USP24: variants seen among roughly 807,000 people sequenced by gnomAD.
USP24 encodes the protein ubiquitin carboxyl-terminal hydrolase 24.
In USP24, 97 loss-of-function variants were observed where a neutral mutation model predicts 361.6. The observed-to-expected ratio is 0.27, with a 90% confidence interval of 0.23 to 0.32. The LOEUF is 0.32. Ranked by LOEUF, USP24 falls within the 10% of genes least tolerant of loss-of-function variation. USP24 has a pLI of 1.00. For synonymous variants in USP24, 1,098 were observed against 1,124.6 expected (o/e 0.98, Z 0.47); for missense variants, 2,353 against 3,165.6 (o/e 0.74, Z 6.16).
chr1:55,133,211 T>G lies in USP24; in HGVS notation c.3382-511A>C, dbSNP rs146022578. Among the ~76,000 whole-genome samples the G allele has an allele frequency of 2.5e-3, 384 of 152,336 alleles. 3 individuals carry two copies. Among genetic ancestry groups the G allele is most frequent in the South Asian group, 0.018 (88 of 4,830 alleles). On this transcript the variant is annotated intron_variant, in intron 30 of 67. Transcript: ENST00000294383. ...TTCTAACAACTTTTTCTACATCAAT[T>G]TATTCTGAGAACATAATTAAACAAT...
At chr1:55,196,673 T>C (rs1644427526) in intron 1 of USP24, among the ~76,000 whole-genome samples, 1 of 152,242 alleles carries the variant, frequency 6.6e-6, no homozygotes, top group Admixed American at 6.5e-5. Context: ...CTAGGGTGTT[T>C]AATAGGCATC....
chr1:55,209,290 C>G (rs1644793678), intron 1 of USP24, among the ~76,000 whole-genome samples: 1 of 151,838 alleles, frequency 6.6e-6, no homozygotes. Context: ...AAAGGAAAAC[C>G]TTTCTAAAAT....
In USP24 at chr1:55,098,046, C is replaced by T; in HGVS notation, c.5492G>A (p.Gly1831Glu). ...TTCCAAACTCTGACAAGAAGTCACT[C>T]CTAGATTGAGAGCCATGAAAGCTTC... ...REEAFMALNL[G>E]VTSCQSLEIS... Residue 1831 changes from glycine (G) to glutamate (E), a missense_variant, in exon 47 of 68, where the codon GGA becomes GAA. Around this residue, in one of 8 missense-constraint regions of USP24, gnomAD observed 105 missense variants for 200.3 expected, o/e 0.52. Transcript: ENST00000294383. 6.2e-7 allele frequency: 1 copy of T among 1,612,032 alleles called. No individual in the cohort carries two copies. Among genetic ancestry groups the T allele is most frequent in the Non-Finnish European group, 8.5e-7 (1 of 1,179,354 alleles).
At chr1:55,100,747 AG>A (rs1570401965) in intron 44 of USP24, 91 bp downstream of exon 44, 5 of 1,319,894 alleles carry the variant, frequency 3.8e-6, no homozygotes, top group Non-Finnish European at 5.0e-6. Flanking sequence ...ATTAGTCTAA[AG>A]TTAATAAAAA....
intron 1 of USP24, among the ~76,000 whole-genome samples, chr1:55,202,333 A>T (rs1444166308): frequency 6.6e-6 from 1 of 152,182 alleles, no homozygotes; most frequent in Non-Finnish European, 1.5e-5. Context: ...GAAACTAAAC[A>T]ATACACATCT....
intron 6 of USP24, 57 bp downstream of exon 6, chr1:55,166,511 C>T (rs555868698): frequency 1.7e-4 from 252 of 1,469,534 alleles, no homozygotes; most frequent in Non-Finnish European, 1.8e-4. Context: ...AACTCTAGGA[C>T]GTCTCATTAG....
intron 32 of USP24, among the ~76,000 whole-genome samples, chr1:55,127,074 T>A (rs899795083): frequency 5.3e-5 from 8 of 151,376 alleles, no homozygotes; most frequent in Admixed American, 2.0e-4. Context: ...GTTTTTTTTC[T>A]AAATTATTAT....
intron 20 of USP24, 139 bp from the exon 21 acceptor site, chr1:55,144,342 A>G (rs1280443373): frequency 4.1e-6 from 2 of 483,900 alleles, no homozygotes; most frequent in Non-Finnish European, 7.2e-6. Flanking sequence ...AAGCAGAAGC[A>G]ACAAAAGAAA....
In USP24 at chr1:55,172,439, G is replaced by A; in HGVS notation, c.640C>T (p.Leu214=). The A allele has an allele frequency of 6.2e-7, 1 of 1,613,506 alleles. No homozygotes were observed. The highest frequency in any genetic ancestry group is 8.5e-7 in the Non-Finnish European group (1 of 1,179,642). ...IYNMLMLLIE[L]VAERIKQDPI... is the part of the protein sequence containing the mutation. ...TCTTGTTTTATTCTCTCTGCGACCA[G>A]TTCTATTAATAGCATCAACATGTTG... Residue 214 remains leucine, a synonymous_variant, in exon 4 of 68, where the codon CTG becomes TTG. Coordinates refer to ENST00000294383, the MANE Select transcript of USP24 (RefSeq NM_015306.3).
chr1:55,176,546 C>G, intron 2 of USP24, 103 bp from the exon 3 acceptor site: 1 of 1,070,260 alleles, frequency 9.3e-7, no homozygotes, highest in African/African-American at 1.6e-5. Context: ...TTTGGTAGTT[C>G]GTAAAAATCA....
intron 19 of USP24, among the ~76,000 whole-genome samples, 172 bp from the exon 20 acceptor site, chr1:55,146,281 A>C (rs1328347286): frequency 6.6e-6 from 1 of 152,206 alleles, no homozygotes; most frequent in Non-Finnish European, 1.5e-5. Flanking sequence ...AGTTACTAGC[A>C]ATCTTTCTTC....
chr1:55,156,830 C>A, intron 12 of USP24, 118 bp downstream of exon 12: 1 of 686,742 alleles, frequency 1.5e-6, no homozygotes, highest in Middle Eastern at 2.5e-4. Context: ...GGGTTAGGTA[C>A]AGCTGCTCTG....
At chr1:55,128,712 C>CTTTTTTTTTTTTTTTTT (rs1557604215) in intron 32 of USP24, among the ~76,000 whole-genome samples, 1 of 141,522 alleles carries the variant, frequency 7.1e-6, no homozygotes, top group Non-Finnish European at 1.6e-5. Flanking sequence ...TGCTTTAATA[C>CTTTTTTTTTTTTTTTTT]CTTTTTTTTT....
chr1:55,114,339 C>T (rs766368071), intron 38 of USP24, among the ~76,000 whole-genome samples: 19 of 152,076 alleles, frequency 1.2e-4, no homozygotes, highest in Admixed American at 2.0e-4. Context: ...ATAGATTCAA[C>T]GCTATCCCCA....
Position 55,139,010 on chromosome 1 carries a change from T to G in USP24, c.2751A>C (p.Arg917Ser), listed in dbSNP as rs778657545. ...TCTCAATTATTACAAGTTTAGTAGA[T>G]CTATAGATTAAAAAAAAAAAGTATT... is the stretch of plus-strand genomic sequence containing the variant. ...TVATSVQSPY[R>S]STKLVIIERL... Residue 917 changes from arginine to serine, a missense_variant and splice_region_variant, in exon 25 of 68, where the codon AGA (arginine) becomes AGC (serine). Arg to Ser is a moderately radical substitution (Grantham distance 110, BLOSUM62 -1). Coordinates refer to ENST00000294383, the MANE Select transcript of USP24 (RefSeq NM_015306.3). 2 of 1,604,828 alleles carry G rather than the reference T, an allele frequency of 1.2e-6. No individual in the cohort carries two copies. The highest frequency in any genetic ancestry group is 8.5e-7 in the Non-Finnish European group (1 of 1,175,182).
Position 55,100,977 on chromosome 1 carries a change from G to A in USP24, c.5146-13C>T, listed in dbSNP as rs201130778. 3,520 of 1,606,242 alleles carry A rather than the reference G, an allele frequency of 2.2e-3. 7 individuals are homozygous for A. The highest frequency in any genetic ancestry group is 2.6e-3 in the Non-Finnish European group (3,056 of 1,177,774). On this transcript the variant is annotated splice_polypyrimidine_tract_variant and intron_variant, in intron 43 of 67. Coordinates refer to ENST00000294383, the MANE Select transcript of USP24 (RefSeq NM_015306.3). ...CTGAAAGTAATGACTGCACAGAAAA[G>A]AAACATATCAAGCTTGAAATATTTA... is the stretch of plus-strand genomic sequence containing the variant.
At chr1:55,159,804 A>T (rs189496659) in intron 8 of USP24, 119 bp from the exon 9 acceptor site, 1 of 887,980 alleles carries the variant, frequency 1.1e-6, no homozygotes, top group Non-Finnish European at 1.7e-6. Flanking sequence ...AAAAATTTTC[A>T]TATCAGAGCA....
chr1:55,154,580 T>G, intron 13 of USP24, 91 bp downstream of exon 13: 1 of 1,448,616 alleles, frequency 6.9e-7, no homozygotes, highest in Non-Finnish European at 9.5e-7. Context: ...ATTTAAATAC[T>G]GCTAACTGGT....
chr1:55,086,420 T>C (rs1000449198), intron 55 of USP24: 8 of 208,446 alleles, frequency 3.8e-5, no homozygotes, highest in Admixed American at 2.6e-4. Context: ...GAGCAAACAG[T>C]CTACTCCTCA....
Sources: allele counts gnomAD v4.1 joint callset (sites outside exome capture counted in the v4.1 genomes callset), GRCh38; gene constraint gnomAD v4.1.1; regional missense constraint gnomAD v4.1.1; transcripts MANE v1.5; gene names NCBI Gene and HGNC (gene_info 2026-07-23, HGNC 2026-07-21).